CACNG4: variants seen among roughly 807,000 people sequenced by gnomAD.
The protein encoded by CACNG4 is calcium voltage-gated channel auxiliary subunit gamma 4.
A neutral mutation model predicts 22.9 loss-of-function variants in CACNG4; 8 were observed. That is an observed-to-expected ratio of 0.35 (90% CI 0.21 to 0.63). CACNG4 has a LOEUF of 0.63. CACNG4 is among the 30% of genes least tolerant of loss of function. The probability of loss-of-function intolerance (pLI) is 0.72; values close to 1 mark genes in which losing one functional copy is unlikely to be tolerated. For synonymous variants in CACNG4, 188 were observed against 191.9 expected (o/e 0.98, Z 0.17); for missense variants, 357 against 455.4 (o/e 0.78, Z 1.97).
At chr17:67,017,519 T>C (rs1276672966) in intron 1 of CACNG4, among the ~76,000 whole-genome samples, 6 of 149,640 alleles carry the variant, frequency 4.0e-5, no homozygotes, top group Admixed American at 6.7e-5. Flanking sequence ...TTGTTGTTGT[T>C]GTTGTTTGTT....
intron 1 of CACNG4, among the ~76,000 whole-genome samples, chr17:67,001,080 G>T (rs1295434560): frequency 6.6e-6 from 1 of 151,908 alleles, no homozygotes; most frequent in African/African-American, 2.4e-5. Flanking sequence ...TCCTGTTCTG[G>T]TCTCGTGGTA....
At chr17:67,007,388 C>T (rs1217049637) in intron 1 of CACNG4, among the ~76,000 whole-genome samples, 1 of 152,226 alleles carries the variant, frequency 6.6e-6, no homozygotes, top group African/African-American at 2.4e-5. Context: ...TTGGAACAGT[C>T]TAGTCTAAAG....
At chr17:66,965,218 A>ACC in intron 1 of CACNG4, 87 bp downstream of exon 1, 3 of 781,930 alleles carry the variant, frequency 3.8e-6, no homozygotes, top group South Asian at 1.8e-5. Context: ...GCGCGCACAC[A>ACC]CACACACGCG....
Position 67,027,248 on chromosome 17 carries a change from C to T in CACNG4, c.445+2248C>T, listed in dbSNP as rs920050049. Among the ~76,000 whole-genome samples the T allele has an allele frequency of 2.0e-5, 3 of 152,218 alleles. No individual in the cohort carries two copies. Among genetic ancestry groups the T allele is most frequent in the African/African-American group, 7.2e-5 (3 of 41,464 alleles). On this transcript the variant is annotated intron_variant, in intron 3 of 3. Coordinates refer to ENST00000262138, the MANE Select transcript of CACNG4 (RefSeq NM_014405.4). The surrounding 1 kb of genome is among the most constrained non-coding windows in gnomAD (Gnocchi z 4.3). ...GGTGCCCCCTGCAGCTGCCCGTGCC[C>T]CCAGGAGGAGCCGTTTCAAAGGCAG...
At chr17:67,015,349 T>C (rs901014072) in intron 1 of CACNG4, among the ~76,000 whole-genome samples, 53 of 152,084 alleles carry the variant, frequency 3.5e-4, no homozygotes, top group African/African-American at 1.2e-3. Flanking sequence ...GAGAACATGT[T>C]CCTGGATGCC....
At chr17:66,980,620 C>CTTTTTTTT (rs67051865) in intron 1 of CACNG4, among the ~76,000 whole-genome samples, 1,982 of 106,876 alleles carry the variant, frequency 0.019, 232 homozygotes, top group African/African-American at 0.067. Flanking sequence ...TGTGTAAATT[C>CTTTTTTTT]TTTTTTTTTT....
chr17:67,002,348 G>T (rs979487450), intron 1 of CACNG4, among the ~76,000 whole-genome samples: 7 of 152,198 alleles, frequency 4.6e-5, no homozygotes, highest in Non-Finnish European at 1.0e-4. Context: ...CATGAGATGT[G>T]GGGATTATGG....
At chr17:66,966,457 A>G (rs976270141) in intron 1 of CACNG4, among the ~76,000 whole-genome samples, 1 of 149,644 alleles carries the variant, frequency 6.7e-6, no homozygotes, top group Admixed American at 6.7e-5. Flanking sequence ...TGCAGTTCCA[A>G]CCCCTGCACA....
intron 3 of CACNG4, among the ~76,000 whole-genome samples, chr17:67,025,407 G>A (rs118074865): frequency 0.016 from 2,468 of 152,338 alleles, 26 homozygotes; most frequent in South Asian, 0.029. Flanking sequence ...TGGGTCAGGC[G>A]GTCAGGGAGG....
chr17:67,008,594 C>A (rs2143338385), intron 1 of CACNG4, among the ~76,000 whole-genome samples: 1 of 152,218 alleles, frequency 6.6e-6, no homozygotes, highest in East Asian at 1.9e-4. Context: ...TTGCACCCTA[C>A]CCCATCCCCA....
At chr17:66,996,903 C>A (rs1436136243) in intron 1 of CACNG4, among the ~76,000 whole-genome samples, 1 of 152,072 alleles carries the variant, frequency 6.6e-6, no homozygotes, top group Non-Finnish European at 1.5e-5. Context: ...CAGCGCCTGC[C>A]CTGATGACTT....
At chr17:67,005,051 G>A (rs914813167) in intron 1 of CACNG4, among the ~76,000 whole-genome samples, 4 of 152,170 alleles carry the variant, frequency 2.6e-5, no homozygotes, top group Non-Finnish European at 5.9e-5. Context: ...GGAAGGATGT[G>A]GAAGCGTCCC....
intron 1 of CACNG4, among the ~76,000 whole-genome samples, chr17:67,002,147 G>A (rs912440739): frequency 8.5e-5 from 13 of 152,230 alleles, no homozygotes; most frequent in African/African-American, 3.1e-4. Context: ...CGTGGCTGGA[G>A]AGGCCTCATG....
chr17:66,995,335 T>C (rs2035367452), intron 1 of CACNG4, among the ~76,000 whole-genome samples: 1 of 152,110 alleles, frequency 6.6e-6, no homozygotes, highest in East Asian at 1.9e-4. Context: ...TAATGAATAA[T>C]GAAAGCTTTG....
rs2035574453 is a variant in CACNG4 at position 67,027,337 on chromosome 17, A to G, written c.445+2337A>G. 6.6e-6 allele frequency among the ~76,000 whole-genome samples: 1 copy of G among 152,218 alleles called. No individual in the cohort carries two copies. The highest frequency in any genetic ancestry group is 2.4e-5 in the African/African-American group (1 of 41,466). On this transcript the variant is annotated intron_variant, in intron 3 of 3. Transcript: ENST00000262138. This position sits in a 1 kb window ranked among gnomAD's most constrained non-coding sequence, Gnocchi z 4.3. ...GGACCCAGAGCCCTAGCCGAAGAAAATGAGTCCAGGCAGAGAAGGTGGCCG... is the reference window on the plus strand; with the variant it reads ...GGACCCAGAGCCCTAGCCGAAGAAAGTGAGTCCAGGCAGAGAAGGTGGCCG...
At chr17:67,003,784 G>T (rs2035422015) in intron 1 of CACNG4, among the ~76,000 whole-genome samples, 1 of 152,174 alleles carries the variant, frequency 6.6e-6, no homozygotes, top group Non-Finnish European at 1.5e-5. Context: ...TGGACAGGGG[G>T]TAACAGAGCT....
rs150070906 is a variant in CACNG4 at position 67,014,328 on chromosome 17, C to T, written c.221-3861C>T. Among the ~76,000 whole-genome samples, 880 of 152,262 alleles carry T rather than the reference C, an allele frequency of 5.8e-3. 16 individuals are homozygous for T. Among genetic ancestry groups the T allele is most frequent in the African/African-American group, 0.02 (846 of 41,536 alleles). ...CTCCTTACTAAATGCCCTAGGCCAG[C>T]GCTAACGAAATTAAATTTGACAGGG... On this transcript the variant is annotated intron_variant, in intron 1 of 3. Coordinates refer to ENST00000262138, the MANE Select transcript of CACNG4 (RefSeq NM_014405.4).
In CACNG4 at chr17:67,024,915, G is replaced by A; in HGVS notation, c.360G>A (p.Leu120=). The change falls in exon 3 of 4, where the codon CTG becomes CTA. Residue 120 remains leucine (L), a synonymous_variant. Transcript: ENST00000262138. Reference sequence around the variant, plus strand: ...TCCTCAGCACCATCCTGCTCCTGCTGGGTGGCCTGTGCATCGGTGCTGGCA... The same window carrying A: ...TCCTCAGCACCATCCTGCTCCTGCTAGGTGGCCTGTGCATCGGTGCTGGCA... ...FPILSTILLL[L]GGLCIGAGRI... The A allele has an allele frequency of 1.2e-6, 2 of 1,606,462 alleles. No homozygotes were observed. Among genetic ancestry groups the A allele is most frequent in the South Asian group, 1.1e-5 (1 of 89,798 alleles).
At chr17:66,987,563 C>G (rs1347015673) in intron 1 of CACNG4, among the ~76,000 whole-genome samples, 1 of 152,138 alleles carries the variant, frequency 6.6e-6, no homozygotes, top group Non-Finnish European at 1.5e-5. Flanking sequence ...GGAGAAGCAT[C>G]AGGCACTGAG....
Sources: gnomAD v4.1 joint callset for allele counts (sites outside exome capture counted in the v4.1 genomes callset) on GRCh38, gnomAD v4.1.1 for gene constraint, Gnocchi (gnomAD v3.1) non-coding constraint, MANE v1.5 for transcripts, NCBI Gene and HGNC (gene_info 2026-07-23, HGNC 2026-07-21) for gene names.